CTR9: variants seen among roughly 807,000 people sequenced by gnomAD.
CTR9 encodes CTR9 component of Paf1/RNA polymerase II complex, also known as RNA polymerase-associated protein CTR9 homolog.
A neutral mutation model predicts 152.1 loss-of-function variants in CTR9; 41 were observed. The observed-to-expected ratio is 0.27, with a 90% CI of 0.21 to 0.35. The LOEUF (loss-of-function observed/expected upper bound fraction) is 0.35, where lower values mean the gene tolerates loss of function less well. Ranked by LOEUF, CTR9 falls within the 10% of genes least tolerant of loss-of-function variation. The pLI, the probability that CTR9 is intolerant of heterozygous loss-of-function variation, is 1.00. For missense variants in CTR9, 917 were observed against 1,424.4 expected, an observed-to-expected ratio of 0.64 and a Z score of 5.73; for synonymous variants, 476 against 496.2, an observed-to-expected ratio of 0.96 and a Z score of 0.54.
chr11:10,776,650 G>C (rs1260148436), intron 24 of CTR9, among the ~76,000 whole-genome samples: 1 of 152,176 alleles, frequency 6.6e-6, no homozygotes, highest in South Asian at 2.1e-4. Flanking sequence ...TTCTGCTTCA[G>C]AGGCAGTGGA....
At position 10,764,329 on chromosome 11, in the gene CTR9, A is replaced by G. The variant is rs1194881860; in HGVS notation, c.1306A>G (p.Thr436Ala). The change falls in exon 11 of 25, where the codon ACA (threonine) becomes GCA (alanine). Residue 436 changes from threonine (T) to alanine (A), a missense_variant. Thr to Ala is a moderately conservative substitution (Grantham distance 58, BLOSUM62 0). This residue lies in a region of CTR9 where 133 missense variants were observed against 244.1 expected (regional missense o/e 0.54). Coordinates refer to ENST00000361367, the MANE Select transcript of CTR9 (RefSeq NM_014633.5). ...ACAGGGTGCCCTTTCAGCCTATGGA[A>G]CAGCAACACGAATCCTTCAGGAGAA... ...DIQGALSAYGTATRILQEKVQ... is the reference protein window; with the variant it reads ...DIQGALSAYGAATRILQEKVQ... 3 of 1,614,096 alleles carry G rather than the reference A, an allele frequency of 1.9e-6. No individual in the cohort carries two copies. In the South Asian group the frequency reaches 3.3e-5, roughly 18 times the overall value.
chr11:10,760,054 T>G (rs2135362769), intron 5 of CTR9, 119 bp from the exon 6 acceptor site: 2 of 1,076,766 alleles, frequency 1.9e-6, no homozygotes, highest in African/African-American at 1.6e-5. Flanking sequence ...TGTAGTGTAG[T>G]TATACTGAGG....
intron 2 of CTR9, among the ~76,000 whole-genome samples, chr11:10,754,111 C>T (rs1329470081): frequency 6.6e-6 from 1 of 152,196 alleles, no homozygotes; most frequent in African/African-American, 2.4e-5. Flanking sequence ...GGGCTCAAGC[C>T]ATCCTGCCAC....
chr11:10,774,369 A>G (rs1018157044), intron 22 of CTR9, 200 bp downstream of exon 22: 16 of 487,022 alleles, frequency 3.3e-5, no homozygotes, highest in African/African-American at 2.9e-4. Context: ...ATACGTCTCC[A>G]CAGCTTTCCT....
intron 21 of CTR9, 117 bp from the exon 22 acceptor site, chr11:10,773,884 CAAAAAAAAAAA>C: frequency 2.5e-6 from 1 of 401,802 alleles, no homozygotes; most frequent in South Asian, 4.9e-5. Flanking sequence ...GACTTCATCT[CAAAAAAAAAAA>C]AAAAAAAATC....
chr11:10,766,401 G>A lies in CTR9; in HGVS notation c.1598-1G>A. The A allele has an allele frequency of 6.2e-7, 1 of 1,604,338 alleles. No homozygotes were observed. Among genetic ancestry groups the A allele is most frequent in the Non-Finnish European group, 8.5e-7 (1 of 1,176,394 alleles). On this transcript the variant is annotated splice_acceptor_variant, in intron 12 of 24. Transcript: ENST00000361367. LOFTEE classifies it high-confidence loss of function. ...ATAAAAACTTTTAAATATGTTTTCAGGCTATTTGCGCCTAGGAGCCATGGC... is the reference window on the plus strand; with the variant it reads ...ATAAAAACTTTTAAATATGTTTTCAAGCTATTTGCGCCTAGGAGCCATGGC...
intron 12 of CTR9, among the ~76,000 whole-genome samples, chr11:10,765,430 G>C (rs1027849076): frequency 6.6e-6 from 1 of 152,020 alleles, no homozygotes; most frequent in Admixed American, 6.6e-5. Context: ...ATGATGTTTT[G>C]ACTCTAGTAA....
chr11:10,759,083 G>A (rs1168178243), intron 5 of CTR9, among the ~76,000 whole-genome samples: 1 of 152,192 alleles, frequency 6.6e-6, no homozygotes, highest in Non-Finnish European at 1.5e-5. Context: ...CAGGAAAGAG[G>A]TCTGGGCTGA....
In CTR9 at chr11:10,779,587, T is replaced by G. The variant is rs1863299246; in HGVS notation, c.*482T>G. 1 of 158,218 alleles carries G rather than the reference T, an allele frequency of 6.3e-6. No homozygotes were observed. The highest frequency in any genetic ancestry group is 1.4e-5 in the Non-Finnish European group (1 of 71,616). 9.8% of individuals were successfully genotyped at this position (158,218 alleles called of 1,614,324 possible). ...ACTGTATAATTGCACCAAAGTACAT[T>G]TGAAAGGAAGGTTTTCAATAGTGTA... On this transcript the variant is annotated 3_prime_UTR_variant, in exon 25 of 25. Transcript: ENST00000361367.
rs751776172 is a variant in CTR9 at position 10,767,906 on chromosome 11, C to G, written c.1787C>G (p.Ser596Cys). Reference protein sequence around the residue: ...KKFERILKQPSTQSDTYSMLA... With the variant: ...KKFERILKQPCTQSDTYSMLA... ...TTTGAGAGGATATTAAAACAGCCAT[C>G]CACACAGAGTGATACCTATTCTATG... Residue 596 changes from serine (S) to cysteine (C), a missense_variant, in exon 14 of 25, where the codon TCC becomes TGC. Transcript: ENST00000361367. The surrounding 1 kb of genome is among the most constrained non-coding windows in gnomAD (Gnocchi z 4.0). The G allele has an allele frequency of 6.2e-7, 1 of 1,614,086 alleles. No individual in the cohort carries two copies. The highest frequency in any genetic ancestry group is 2.2e-5 in the East Asian group (1 of 44,882).
intron 20 of CTR9, 34 bp downstream of exon 20, chr11:10,772,689 T>A: frequency 6.4e-7 from 1 of 1,561,608 alleles, no homozygotes. Flanking sequence ...CTGGAATTAA[T>A]GAATTGTGTG....
intron 5 of CTR9, among the ~76,000 whole-genome samples, chr11:10,758,618 G>A (rs77825536): frequency 0.017 from 2,530 of 152,312 alleles, 30 homozygotes; most frequent in South Asian, 0.028. Context: ...AAATTAAGCA[G>A]TTCAGCCTTA....
intron 24 of CTR9, among the ~76,000 whole-genome samples, chr11:10,778,050 G>A (rs952824052): frequency 6.6e-6 from 1 of 152,166 alleles, no homozygotes; most frequent in African/African-American, 2.4e-5. Flanking sequence ...ACAAGTAGAG[G>A]GGAGAGCTTG....
chr11:10,768,005 G>T lies in CTR9; in HGVS notation c.1872+14G>T. On this transcript the variant is annotated intron_variant, in intron 14 of 24. Coordinates refer to ENST00000361367, the MANE Select transcript of CTR9 (RefSeq NM_014633.5). ...GATCGAGAAAAGGTAATCTCTTTTT[G>T]TCCTTTTAAACAAAACTGATACTCT... is the stretch of plus-strand genomic sequence containing the variant. 1 of 1,613,154 alleles carries T rather than the reference G, an allele frequency of 6.2e-7. No individual in the cohort carries two copies. The highest frequency in any genetic ancestry group is 8.5e-7 in the Non-Finnish European group (1 of 1,179,588).
chr11:10,754,828 A>G, intron 2 of CTR9, 130 bp from the exon 3 acceptor site: 3 of 890,666 alleles, frequency 3.4e-6, no homozygotes, highest in Non-Finnish European at 5.0e-6. Context: ...TTATCCATTC[A>G]CCTGTTAATC....
chr11:10,751,714 A>G (rs774970177), intron 1 of CTR9, among the ~76,000 whole-genome samples: 19 of 152,138 alleles, frequency 1.2e-4, no homozygotes, highest in Non-Finnish European at 2.4e-4. Flanking sequence ...CGAATTTGAC[A>G]GTGCGCTACT....
chr11:10,760,127 C>T (rs775732103), intron 5 of CTR9, 46 bp from the exon 6 acceptor site: 61 of 1,593,446 alleles, frequency 3.8e-5, no homozygotes, highest in Non-Finnish European at 5.0e-5. Context: ...TAATTGAACT[C>T]TAAAAAATGC....
intron 2 of CTR9, among the ~76,000 whole-genome samples, chr11:10,753,481 G>C (rs1010123519): frequency 1.1e-4 from 16 of 151,942 alleles, no homozygotes; most frequent in Admixed American, 3.9e-4. Flanking sequence ...CAGAGAAATA[G>C]GTCTGGAATT....
chr11:10,757,558 A>G (rs530209268), intron 5 of CTR9, among the ~76,000 whole-genome samples: 13 of 152,334 alleles, frequency 8.5e-5, no homozygotes, highest in Admixed American at 5.2e-4. Flanking sequence ...AGCCTGGGCA[A>G]CAGAGCCAAG....
Sources: gnomAD v4.1 joint callset for allele counts (sites outside exome capture counted in the v4.1 genomes callset) on GRCh38, gnomAD v4.1.1 for gene constraint, gnomAD v4.1.1 regional missense constraint, Gnocchi (gnomAD v3.1) non-coding constraint, MANE v1.5 for transcripts, NCBI Gene and HGNC (gene_info 2026-07-23, HGNC 2026-07-21) for gene names.